The following AK4 variants were observed in gnomAD, a reference collection of about 807,000 sequenced individuals.
The protein encoded by AK4 is adenylate kinase 4, mitochondrial.
Under a neutral mutation model 24.6 loss-of-function variants are expected in AK4, and 13 were observed. The ratio of observed to expected loss-of-function variants is 0.53; its 90% CI spans 0.34 to 0.84. The LOEUF is 0.84. AK4 is among the 40% of genes least tolerant of loss of function. The pLI is 0.01. For synonymous variants in AK4, 88 were observed against 107.0 expected, an observed-to-expected ratio of 0.82 and a Z score of 1.10; for missense variants, 192 against 288.2, an observed-to-expected ratio of 0.67 and a Z score of 2.42.
chr1:65,200,886 T>C (rs1431758347), intron 2 of AK4, among the ~76,000 whole-genome samples: 1 of 151,770 alleles, frequency 6.6e-6, no homozygotes, highest in African/African-American at 2.4e-5. Flanking sequence ...CCTCCACCTC[T>C]TGGGTTCAAG....
intron 2 of AK4, among the ~76,000 whole-genome samples, chr1:65,193,767 G>C (rs4916029): frequency 0.27 from 40,869 of 152,128 alleles, 5,778 homozygotes; most frequent in East Asian, 0.52. Flanking sequence ...TATGCATTTG[G>C]TTGCGAATGT....
chr1:65,148,383 G>C lies in AK4; in HGVS notation c.-25G>C, dbSNP rs993855434. On this transcript the variant is annotated 5_prime_UTR_variant, in exon 1 of 5. Coordinates refer to ENST00000327299, the MANE Select transcript of AK4 (RefSeq NM_013410.4). The stretch of plus-strand genomic sequence containing the variant: ...GGGCCGCGGTCGGGGCTGCGCGTTT[G>C]ACCGCCCCCCTCCTCGCGAAGGCAA... 1.3e-6 allele frequency: 2 copies of C among 1,523,094 alleles called. No individual in the cohort carries two copies. The highest frequency in any genetic ancestry group is 1.8e-6 in the Non-Finnish European group (2 of 1,136,090). The allele number at this position is 1,523,094 out of a possible 1,614,324, so 94.3% of individuals were successfully genotyped here.
rs141220667 is a variant in AK4, at chr1:65,154,110, G to A, written c.145+5558G>A. ...TGATCTTTTGCCTGCTGTGTGGAGA[G>A]GTGACTCAGGTGAGCAAGAGGGAGA... On this transcript the variant is annotated intron_variant, in intron 1 of 4. Transcript: ENST00000327299. Among the ~76,000 whole-genome samples the A allele has an allele frequency of 3.1e-3, 479 of 152,290 alleles. 1 individual carries two copies. The highest frequency in any genetic ancestry group is 0.01 in the Middle Eastern group (3 of 294).
At chr1:65,199,512 G>C (rs116519852) in intron 2 of AK4, among the ~76,000 whole-genome samples, 1 of 152,040 alleles carries the variant, frequency 6.6e-6, no homozygotes, top group African/African-American at 2.4e-5. Context: ...TCGTGCTACT[G>C]TACTTTAGCC....
chr1:65,209,460 A>C (rs1334241151), intron 2 of AK4, among the ~76,000 whole-genome samples: 1 of 152,204 alleles, frequency 6.6e-6, no homozygotes, highest in Non-Finnish European at 1.5e-5. Flanking sequence ...AAATGCTGCC[A>C]CCTGTTGACA....
chr1:65,169,714 CA>C, intron 1 of AK4, among the ~76,000 whole-genome samples: 1 of 152,030 alleles, frequency 6.6e-6, no homozygotes. Context: ...AAATAAATTC[CA>C]GATCTGGCCT....
At position 65,183,160 on chromosome 1, in the gene AK4, A is replaced by T. The variant is rs906283492; in HGVS notation, c.146-7550A>T. ...AACCATACCCTATATTGTCAGAGGG[A>T]ACAGTGTACCTTTTTTTTTCTTCCC... On this transcript the variant is annotated intron_variant, in intron 1 of 4. Coordinates refer to ENST00000327299, the MANE Select transcript of AK4 (RefSeq NM_013410.4). 7.2e-5 allele frequency among the ~76,000 whole-genome samples: 11 copies of T among 152,310 alleles called. No homozygotes were observed. In the East Asian group the frequency reaches 1.9e-3, roughly 27 times the overall value.
At chr1:65,213,785 C>G (rs766624383) in intron 2 of AK4, among the ~76,000 whole-genome samples, 3 of 152,106 alleles carry the variant, frequency 2.0e-5, no homozygotes, top group Non-Finnish European at 4.4e-5. Context: ...CCTAACTGCC[C>G]CCCCAGTACC....
At chr1:65,173,457 T>C (rs1650607040) in intron 1 of AK4, among the ~76,000 whole-genome samples, 1 of 152,192 alleles carries the variant, frequency 6.6e-6, no homozygotes, top group Admixed American at 6.5e-5. Context: ...GTATTTTCTC[T>C]GGTCACCTCT....
At position 65,218,864 on chromosome 1, in the gene AK4, C is replaced by T. The variant is rs376330094; in HGVS notation, c.376C>T (p.Arg126Cys). 100 of 1,609,820 alleles carry T rather than the reference C, an allele frequency of 6.2e-5. No homozygotes were observed. The highest frequency in any genetic ancestry group is 9.4e-5 in the African/African-American group (7 of 74,654). ...AACACTTAAAGATCGTCTCAGCCGC[C>T]GTTGGATTCACCCTCCTAGCGGAAG... Reference protein sequence around the residue: ...FETLKDRLSRRWIHPPSGRVY... With the variant: ...FETLKDRLSRCWIHPPSGRVY... The change falls in exon 3 of 5, where the codon CGT becomes TGT. Residue 126 changes from arginine to cysteine, a missense_variant. Physicochemically the swap from Arg to Cys is radical, Grantham distance 180 (BLOSUM62 -3). Transcript: ENST00000327299.
chr1:65,198,994 CACCTGAGCCTGA>C (rs1651575118), intron 2 of AK4, among the ~76,000 whole-genome samples: 1 of 151,046 alleles, frequency 6.6e-6, no homozygotes, highest in Non-Finnish European at 1.5e-5. Context: ...GTGGGAGGAT[CACCTGAGCCTGA>C]ACCTGGGGAG....
intron 2 of AK4, among the ~76,000 whole-genome samples, chr1:65,199,843 C>T (rs1360588858): frequency 6.6e-6 from 1 of 152,126 alleles, no homozygotes; most frequent in Non-Finnish European, 1.5e-5. Context: ...ATCTGAGATG[C>T]TCCAATAGGC....
At chr1:65,172,578 CAG>C (rs1184262911) in intron 1 of AK4, among the ~76,000 whole-genome samples, 1 of 152,056 alleles carries the variant, frequency 6.6e-6, no homozygotes, top group African/African-American at 2.4e-5. Flanking sequence ...GAATGGAAAT[CAG>C]GGGCCTGATG....
chr1:65,220,101 T>C (rs1018355926), intron 3 of AK4, among the ~76,000 whole-genome samples: 2 of 152,274 alleles, frequency 1.3e-5, no homozygotes, highest in Non-Finnish European at 2.9e-5. Context: ...AAGTGAATAA[T>C]GTTCCATTGT....
At chr1:65,174,234 A>G (rs1345075497) in intron 1 of AK4, among the ~76,000 whole-genome samples, 4 of 152,006 alleles carry the variant, frequency 2.6e-5, no homozygotes. Context: ...TCCTGAATGA[A>G]GGGCCCAGAG....
chr1:65,157,193 C>T (rs1431068347), intron 1 of AK4, among the ~76,000 whole-genome samples: 1 of 152,136 alleles, frequency 6.6e-6, no homozygotes, highest in African/African-American at 2.4e-5. Flanking sequence ...TGGCTTTATA[C>T]ACATGTAATT....
At chr1:65,225,465 GA>G (rs1430157197) in intron 4 of AK4, among the ~76,000 whole-genome samples, 2 of 152,246 alleles carry the variant, frequency 1.3e-5, no homozygotes, top group African/African-American at 4.8e-5. Context: ...CATTTTTCAG[GA>G]ATAGCAGAAA....
At chr1:65,171,778 A>G (rs1023814987) in intron 1 of AK4, among the ~76,000 whole-genome samples, 23 of 151,902 alleles carry the variant, frequency 1.5e-4, no homozygotes, top group African/African-American at 4.1e-4. Flanking sequence ...ATCTAATTAT[A>G]TACTTAGGGC....
At chr1:65,152,002 CTG>C (rs1408288818) in intron 1 of AK4, among the ~76,000 whole-genome samples, 1 of 151,998 alleles carries the variant, frequency 6.6e-6, no homozygotes, top group Non-Finnish European at 1.5e-5. Flanking sequence ...TAGCTTTTCT[CTG>C]TGTATGTATG....
Sources: allele counts gnomAD v4.1 joint callset (sites outside exome capture counted in the v4.1 genomes callset), GRCh38; gene constraint gnomAD v4.1.1; transcripts MANE v1.5; gene names NCBI Gene and HGNC (gene_info 2026-07-23, HGNC 2026-07-21).